The following DDX55 variants were observed in gnomAD, a reference collection of about 807,000 sequenced individuals.
DDX55 encodes DEAD-box helicase 55, also known as ATP-dependent RNA helicase DDX55.
In DDX55, 56 loss-of-function variants were observed where a neutral mutation model predicts 69.2. That is an observed-to-expected ratio of 0.81 (90% CI 0.65 to 1.01). The LOEUF is 1.01. Ranked by LOEUF, DDX55 falls within the 50% of genes least tolerant of loss-of-function variation. The probability of loss-of-function intolerance (pLI) is 0.00; values close to 1 mark genes in which losing one functional copy is unlikely to be tolerated. For missense variants in DDX55, 720 were observed against 745.1 expected, an observed-to-expected ratio of 0.97 and a Z score of 0.39; for synonymous variants, 268 against 273.1, an observed-to-expected ratio of 0.98 and a Z score of 0.18.
intron 1 of DDX55, among the ~76,000 whole-genome samples, chr12:123,603,301 G>T: frequency 6.6e-6 from 1 of 152,032 alleles, no homozygotes; most frequent in Admixed American, 6.6e-5. Context: ...AGTGGATACT[G>T]AGAAGTCACA....
chr12:123,615,664 C>T (rs1292739811), intron 9 of DDX55, among the ~76,000 whole-genome samples: 1 of 152,168 alleles, frequency 6.6e-6, no homozygotes, highest in African/African-American at 2.4e-5. Context: ...AGGAGCAAAT[C>T]CATTTGTCCT....
chr12:123,607,887 G>A (rs1028181547), intron 5 of DDX55: 10 of 600,758 alleles, frequency 1.7e-5, no homozygotes, highest in Middle Eastern at 3.7e-4. Context: ...TCAAGAGAAC[G>A]ACGTGAAGAT....
rs1384934043 is a variant in DDX55 at position 123,610,073 on chromosome 12, G to A, written c.686G>A (p.Gly229Asp). 1.2e-6 allele frequency: 2 copies of A among 1,614,174 alleles called. No individual in the cohort carries two copies. The highest frequency in any genetic ancestry group is 1.7e-6 in the Non-Finnish European group (2 of 1,180,044). The change falls in exon 7 of 14, where the codon GGC becomes GAC. Residue 229 changes from glycine (G) to aspartate (D), a missense_variant. By Grantham distance (94) the Gly-to-Asp change is moderately conservative. Coordinates refer to ENST00000238146, the MANE Select transcript of DDX55 (RefSeq NM_020936.3). ...GTCCGGGTCTCAGTGAAGGAGAAGG[G>A]CGTGGCAGCCAGCAGTGCCCAGAAG... ...NPVRVSVKEKGVAASSAQKTP... is the reference protein window; with the variant it reads ...NPVRVSVKEKDVAASSAQKTP...
intron 10 of DDX55, 196 bp downstream of exon 10, chr12:123,616,799 C>T (rs1954704315): frequency 1.1e-5 from 7 of 629,898 alleles, no homozygotes; most frequent in East Asian, 2.8e-5. Context: ...GAGGCCTTGC[C>T]GTGCTCCATG....
Position 123,607,672 on chromosome 12 carries a change from C to T in DDX55, c.401+10C>T. ...GGTTTAAGCAACAAGGGTGAGTTTG[C>T]TCGTGTCTGCTTGTTTCTTTGCTTG... On this transcript the variant is annotated intron_variant, in intron 5 of 13. Transcript: ENST00000238146. 6.2e-7 allele frequency: 1 copy of T among 1,614,126 alleles called. No homozygotes were observed. Among genetic ancestry groups the T allele is most frequent in the Non-Finnish European group, 8.5e-7 (1 of 1,180,040 alleles).
rs909514060 is a variant in DDX55, at chr12:123,607,670, T to G, written c.401+8T>G. 5.0e-6 allele frequency: 8 copies of G among 1,613,996 alleles called. No homozygotes were observed. The highest frequency in any genetic ancestry group is 6.8e-6 in the Non-Finnish European group (8 of 1,180,026). ...GAGGTTTAAGCAACAAGGGTGAGTT[T>G]GCTCGTGTCTGCTTGTTTCTTTGCT... On this transcript the variant is annotated splice_region_variant and intron_variant, in intron 5 of 13. Transcript: ENST00000238146.
intron 5 of DDX55, 58 bp downstream of exon 5, chr12:123,607,720 T>A (rs1181548187): frequency 5.8e-5 from 93 of 1,612,436 alleles, no homozygotes; most frequent in Non-Finnish European, 1.5e-5. Flanking sequence ...AACCTAAGAA[T>A]CGATGTGTGA....
intron 6 of DDX55, 110 bp downstream of exon 6, chr12:123,608,939 CATTTTTATTTA>C: frequency 9.6e-7 from 1 of 1,043,920 alleles, no homozygotes; most frequent in Non-Finnish European, 1.3e-6. Context: ...TTTTTATTTT[CATTTTTATTTA>C]TTTTTTATTT....
At chr12:123,616,645 A>G in intron 10 of DDX55, 42 bp downstream of exon 10, 1 of 1,570,088 alleles carries the variant, frequency 6.4e-7, no homozygotes, top group Non-Finnish European at 8.8e-7. Flanking sequence ...TGAGGAATTT[A>G]GCCTAATAAA....
chr12:123,610,020 C>T lies in DDX55; in HGVS notation c.633C>T (p.Asn211=), dbSNP rs1954114307. 1.2e-6 allele frequency: 2 copies of T among 1,614,030 alleles called. No homozygotes were observed. The highest frequency in any genetic ancestry group is 1.7e-5 in the Admixed American group (1 of 59,996). ...FSATQTQEVE[N]LVRAGLRNPV... ...CCACTCAGACGCAGGAAGTGGAGAA[C>T]CTGGTGAGAGCGGGCCTCCGGAACC... The change falls in exon 7 of 14, where the codon AAC becomes AAT. Residue 211 remains asparagine, a synonymous_variant. Coordinates refer to ENST00000238146, the MANE Select transcript of DDX55 (RefSeq NM_020936.3).
intron 7 of DDX55, 91 bp from the exon 8 acceptor site, chr12:123,613,078 AT>A: frequency 7.4e-7 from 1 of 1,351,614 alleles, no homozygotes; most frequent in Non-Finnish European, 1.0e-6. Context: ...GGGAAATGAC[AT>A]TCCTTAAAAT....
At position 123,610,240 on chromosome 12, in the gene DDX55, T is replaced by C. The variant is rs1954130149; in HGVS notation, c.741+112T>C. ...CCCTGTAGCACCTATGAAATGCATT[T>C]GGGGACAGAGCTAGCTAGGGCAAAT... On this transcript the variant is annotated intron_variant, in intron 7 of 13. Coordinates refer to ENST00000238146, the MANE Select transcript of DDX55 (RefSeq NM_020936.3). 10 of 1,373,502 alleles carry C rather than the reference T, an allele frequency of 7.3e-6. No individual in the cohort carries two copies. In the South Asian group the frequency reaches 1.4e-4, roughly 19 times the overall value. The allele number at this position is 1,373,502 out of a possible 1,614,324, so 85.1% of individuals were successfully genotyped here.
At position 123,610,143 on chromosome 12, in the gene DDX55, T is replaced by G. The variant is rs980664892; in HGVS notation, c.741+15T>G. 6.2e-7 allele frequency: 1 copy of G among 1,607,604 alleles called. No homozygotes were observed. The highest frequency in any genetic ancestry group is 1.3e-5 in the African/African-American group (1 of 74,494). On this transcript the variant is annotated intron_variant, in intron 7 of 13. Transcript: ENST00000238146. The stretch of plus-strand genomic sequence containing the variant: ...ACTACTACATGGTAAGCGCCTGGGC[T>G]TGCTTCTTACTCAGCGATAATGACC...
intron 1 of DDX55, chr12:123,604,769 T>C (rs1953785564): frequency 6.6e-6 from 1 of 152,216 alleles, no homozygotes; most frequent in Non-Finnish European, 1.5e-5. Context: ...AATATTAAAA[T>C]TTATTTCACC....
Position 123,618,775 on chromosome 12 carries a change from C to A in DDX55, c.1271C>A (p.Ala424Asp). ...GCTGTGTTTGAAAAGGGCATGAAAG[C>A]TTTTGTGTCATATGTCCAAGCTTAT... ...DRAVFEKGMKAFVSYVQAYAK... is the reference protein window; with the variant it reads ...DRAVFEKGMKDFVSYVQAYAK... The change falls in exon 12 of 14, where the codon GCT (alanine) becomes GAT (aspartate). Residue 424 changes from alanine to aspartate, a missense_variant. Coordinates refer to ENST00000238146, the MANE Select transcript of DDX55 (RefSeq NM_020936.3). The A allele has an allele frequency of 6.2e-7, 1 of 1,614,168 alleles. No homozygotes were observed. The highest frequency in any genetic ancestry group is 8.5e-7 in the Non-Finnish European group (1 of 1,180,034).
At position 123,602,192 on chromosome 12, in the gene DDX55, C is replaced by A; in HGVS notation, c.44C>A (p.Pro15Gln). The A allele has an allele frequency of 1.3e-6, 2 of 1,571,198 alleles. No homozygotes were observed. The highest frequency in any genetic ancestry group is 1.7e-6 in the Non-Finnish European group (2 of 1,160,362). The part of the protein sequence containing the change: ...TEGSWESLPV[P>Q]LHPQVLGALR... ...GGCTCCTGGGAGTCGCTGCCTGTGC[C>A]GCTGCACCCGCAGGTGCTGGGCGCG... The change falls in exon 1 of 14, where the codon CCG becomes CAG. Residue 15 changes from proline (P) to glutamine (Q), a missense_variant. Transcript: ENST00000238146.
At chr12:123,608,068 T>C (rs1460677620) in intron 5 of DDX55, 1 of 241,524 alleles carries the variant, frequency 4.1e-6, no homozygotes, top group African/African-American at 2.2e-5. Context: ...CCTGATTTTT[T>C]AACTGTTGGC....
At chr12:123,617,294 G>GA (rs1236278600) in intron 10 of DDX55, among the ~76,000 whole-genome samples, 1 of 152,152 alleles carries the variant, frequency 6.6e-6, no homozygotes, top group African/African-American at 2.4e-5. Context: ...ATGTCTAAAT[G>GA]AAAAAAGCAA....
In DDX55 at chr12:123,619,433, T is replaced by C. The variant is rs755245012; in HGVS notation, c.1335T>C (p.Asp445=). The change falls in exon 13 of 14, where the codon GAT becomes GAC. Residue 445 remains aspartate (D), a splice_region_variant and synonymous_variant. Transcript: ENST00000238146. ...HECNLIFRLK[D]LDFASLARGF... Reference sequence around the variant, plus strand: ...ACTCTGATCTTCTGATTGAATCAGATCTTGATTTTGCCAGCCTTGCTCGAG... The same window carrying C: ...ACTCTGATCTTCTGATTGAATCAGACCTTGATTTTGCCAGCCTTGCTCGAG... 6.2e-7 allele frequency: 1 copy of C among 1,611,242 alleles called. No homozygotes were observed. Among genetic ancestry groups the C allele is most frequent in the Admixed American group, 1.7e-5 (1 of 59,314 alleles).
Sources: allele counts gnomAD v4.1 joint callset (sites outside exome capture counted in the v4.1 genomes callset), GRCh38; gene constraint gnomAD v4.1.1; transcripts MANE v1.5; gene names NCBI Gene and HGNC (gene_info 2026-07-23, HGNC 2026-07-21).